GLMN: variants seen among roughly 807,000 people sequenced by gnomAD.
The protein encoded by GLMN is glomulin.
A neutral mutation model predicts 87.8 loss-of-function variants in GLMN; 75 were observed. That is an observed-to-expected ratio of 0.85 (90% CI 0.71 to 1.04). The LOEUF is 1.04. Ranked by LOEUF, GLMN falls within the 50% of genes least tolerant of loss-of-function variation. The pLI is 0.00. For missense variants in GLMN, 588 were observed against 658.8 expected (o/e 0.89, Z 1.18); for synonymous variants, 206 against 221.6 (o/e 0.93, Z 0.63).
chr1:92,260,534 G>A lies in GLMN; in HGVS notation c.1473+2329C>T, dbSNP rs899677535. ...GGAGACTGAGGCAGGAGAATCATTT[G>A]AACCCAGGAGGTGGACGATGCAGTG... is the stretch of plus-strand genomic sequence containing the variant. On this transcript the variant is annotated intron_variant, in intron 16 of 18. Coordinates refer to ENST00000370360, the MANE Select transcript of GLMN (RefSeq NM_053274.3). Among the ~76,000 whole-genome samples the A allele has an allele frequency of 9.9e-5, 15 of 151,986 alleles. 1 individual carries two copies. Among genetic ancestry groups the A allele is most frequent in the Non-Finnish European group, 2.9e-5 (2 of 68,004 alleles).
the GLMN span, among the ~76,000 whole-genome samples, chr1:92,306,323 A>C: frequency 1.3e-5 from 2 of 152,252 alleles, no homozygotes; most frequent in Non-Finnish European, 2.9e-5. Context: ...ACTTAATACC[A>C]CTGTGCTATA....
At chr1:92,289,973 T>C (rs139280607) in intron 5 of GLMN, among the ~76,000 whole-genome samples, 100 of 152,216 alleles carry the variant, frequency 6.6e-4, no homozygotes, top group Non-Finnish European at 1.2e-3. Flanking sequence ...ACATGAAAAA[T>C]AGTATGACAT....
chr1:92,340,361 A>C, the GLMN span, among the ~76,000 whole-genome samples: 1 of 152,220 alleles, frequency 6.6e-6, no homozygotes, highest in Non-Finnish European at 1.5e-5. Context: ...TTTGTAGGCT[A>C]GGGCTGCCAG....
intron 8 of GLMN, among the ~76,000 whole-genome samples, chr1:92,271,056 G>C (rs909519824): frequency 6.6e-6 from 1 of 152,166 alleles, no homozygotes; most frequent in Non-Finnish European, 1.5e-5. Flanking sequence ...CTTCTTTTAA[G>C]GCTTCGCTTT....
intron 4 of GLMN, 142 bp from the exon 5 acceptor site, chr1:92,290,448 T>G (rs1649275885): frequency 1.6e-6 from 1 of 639,790 alleles, no homozygotes; most frequent in Admixed American, 2.5e-5. Context: ...ATACAATTGT[T>G]GAAAAAATAT....
At chr1:92,265,332 A>AAC (rs71585120) in intron 13 of GLMN, among the ~76,000 whole-genome samples, 1 of 118,300 alleles carries the variant, frequency 8.5e-6, no homozygotes, top group Non-Finnish European at 1.8e-5. Flanking sequence ...GCAAAAAAAA[A>AAC]AAAAAAACTA....
intron 16 of GLMN, among the ~76,000 whole-genome samples, chr1:92,250,389 TGA>T (rs1027918190): frequency 4.6e-5 from 7 of 152,212 alleles, no homozygotes; most frequent in African/African-American, 1.2e-4. Context: ...CTTATGTTTT[TGA>T]GAGTTATTTG....
upstream of GLMN, among the ~76,000 whole-genome samples, chr1:92,302,781 T>C (rs1571014585): frequency 6.6e-6 from 1 of 151,838 alleles, no homozygotes; most frequent in East Asian, 1.9e-4. Context: ...TTTGTATTTT[T>C]AGTAGAGATG....
chr1:92,339,670 T>C, the GLMN span, among the ~76,000 whole-genome samples: 1 of 151,426 alleles, frequency 6.6e-6, no homozygotes, highest in African/African-American at 2.4e-5. Context: ...TTTTCCGCCA[T>C]AGAATTGATA....
chr1:92,269,092 C>A (rs1461706258), intron 9 of GLMN, among the ~76,000 whole-genome samples: 1 of 151,350 alleles, frequency 6.6e-6, no homozygotes, highest in Non-Finnish European at 1.5e-5. Flanking sequence ...CTAATTTTTT[C>A]TATTTTTTGT....
chr1:92,305,450 A>AAAAAAAAAAAC, the GLMN span, among the ~76,000 whole-genome samples: 145 of 141,898 alleles, frequency 1.0e-3, 13 homozygotes, highest in African/African-American at 4.1e-3. Flanking sequence ...AAAAAAAAAA[A>AAAAAAAAAAAC]AGACAATATG....
intron 7 of GLMN, among the ~76,000 whole-genome samples, chr1:92,283,166 C>T (rs1488925543): frequency 6.6e-6 from 1 of 152,026 alleles, no homozygotes; most frequent in East Asian, 1.9e-4. Context: ...CTGGCAGAGA[C>T]ACAACAAAAA....
the GLMN span, among the ~76,000 whole-genome samples, chr1:92,321,008 CTTAA>C: frequency 6.6e-6 from 1 of 152,302 alleles, no homozygotes; most frequent in East Asian, 1.9e-4. Flanking sequence ...GTACCAGTTA[CTTAA>C]TTATTTGAAA....
intron 8 of GLMN, among the ~76,000 whole-genome samples, chr1:92,270,678 T>C: frequency 6.6e-6 from 1 of 152,024 alleles, no homozygotes; most frequent in East Asian, 1.9e-4. Context: ...TATAAAATTA[T>C]ATATTTTAAA....
chr1:92,332,793 C>T, the GLMN span, among the ~76,000 whole-genome samples: 2 of 152,146 alleles, frequency 1.3e-5, no homozygotes, highest in Non-Finnish European at 2.9e-5. Flanking sequence ...AGAAAAACTG[C>T]TCAATTTCTC....
rs2100759937 is a variant in GLMN, at chr1:92,246,629, A to G, written c.1686T>C (p.Leu562=). Residue 562 remains leucine, a synonymous_variant, in exon 19 of 19, where the codon CTT becomes CTC. Transcript: ENST00000370360. ...EMQLKVLHSA[L]FTFDLIESVL... Reference sequence around the variant, plus strand: ...CACTTTCAATCAAATCAAATGTGAAAAGAGCTGAATGCAGGACCTGCAATG... The same window carrying G: ...CACTTTCAATCAAATCAAATGTGAAGAGAGCTGAATGCAGGACCTGCAATG... 1 of 1,580,040 alleles carries G rather than the reference A, an allele frequency of 6.3e-7. No homozygotes were observed. Among genetic ancestry groups the G allele is most frequent in the Non-Finnish European group, 8.7e-7 (1 of 1,148,834 alleles).
chr1:92,297,350 CAT>C, intron 3 of GLMN, 52 bp downstream of exon 3: 1 of 1,599,032 alleles, frequency 6.3e-7, no homozygotes, highest in East Asian at 2.2e-5. Context: ...TGAATAGCAT[CAT>C]GTGATTATTC....
In GLMN at chr1:92,246,472, A is replaced by G; in HGVS notation, c.*58T>C. ...AGAAAAATTTTTTATAAAGGTATTAAATGAATCATAATGGAAAGTACTATA... is the reference window on the plus strand; with the variant it reads ...AGAAAAATTTTTTATAAAGGTATTAGATGAATCATAATGGAAAGTACTATA... On this transcript the variant is annotated 3_prime_UTR_variant, in exon 19 of 19. Coordinates refer to ENST00000370360, the MANE Select transcript of GLMN (RefSeq NM_053274.3). 1 of 795,852 alleles carries G rather than the reference A, an allele frequency of 1.3e-6. No homozygotes were observed. The highest frequency in any genetic ancestry group is 2.2e-6 in the Non-Finnish European group (1 of 461,672). 49.3% of individuals were successfully genotyped at this position (795,852 alleles called of 1,614,324 possible).
At chr1:92,329,670 T>G in the GLMN span, among the ~76,000 whole-genome samples, 4 of 152,252 alleles carry the variant, frequency 2.6e-5, no homozygotes, top group Admixed American at 2.6e-4. Context: ...TCCTGCCTCC[T>G]ATCTGCTATT....
Sources: allele counts gnomAD v4.1 joint callset (sites outside exome capture counted in the v4.1 genomes callset), GRCh38; gene constraint gnomAD v4.1.1; transcripts MANE v1.5; gene names NCBI Gene and HGNC (gene_info 2026-07-23, HGNC 2026-07-21).